DCC: variants seen among roughly 807,000 people sequenced by gnomAD.
DCC encodes the protein DCC netrin 1 receptor, also known as netrin receptor DCC.
Under a neutral mutation model 172.5 loss-of-function variants are expected in DCC, and 58 were observed. The observed-to-expected ratio is 0.34, with a 90% CI of 0.27 to 0.42. The LOEUF (loss-of-function observed/expected upper bound fraction) is 0.42, where lower values mean the gene tolerates loss of function less well. Among genes scored for constraint, DCC ranks in the 10% least tolerant of loss-of-function variants. The probability of loss-of-function intolerance (pLI) is 1.00; values close to 1 mark genes in which losing one functional copy is unlikely to be tolerated. For synonymous variants in DCC, 709 were observed against 644.5 expected (o/e 1.10, Z -1.52); for missense variants, 1,740 against 1,791.0 (o/e 0.97, Z 0.51).
At chr18:53,216,598 T>G (rs1289248814) in intron 12 of DCC, among the ~76,000 whole-genome samples, 1 of 152,162 alleles carries the variant, frequency 6.6e-6, no homozygotes, top group Non-Finnish European at 1.5e-5. Flanking sequence ...GACTTGATAG[T>G]GATTCCTTCA....
At chr18:53,084,850 C>G (rs2042856204) in intron 7 of DCC, among the ~76,000 whole-genome samples, 1 of 152,166 alleles carries the variant, frequency 6.6e-6, no homozygotes, top group African/African-American at 2.4e-5. Context: ...AAGATTCTTC[C>G]ACTAATTTTG....
intron 7 of DCC, among the ~76,000 whole-genome samples, chr18:53,093,463 CTGA>C (rs2043042324): frequency 2.0e-5 from 3 of 152,084 alleles, no homozygotes; most frequent in Admixed American, 1.3e-4. Context: ...GATCATAAGG[CTGA>C]TAAGTTTTCT....
intron 1 of DCC, among the ~76,000 whole-genome samples, chr18:52,655,818 G>C (rs890698663): frequency 5.3e-5 from 8 of 151,744 alleles, no homozygotes; most frequent in African/African-American, 1.9e-4. Flanking sequence ...ATTTCTTCAA[G>C]AGGTTACCAT....
At chr18:53,181,227 C>T (rs576214897) in intron 9 of DCC, among the ~76,000 whole-genome samples, 4 of 152,120 alleles carry the variant, frequency 2.6e-5, no homozygotes, top group South Asian at 4.1e-4. Context: ...CTAAAATTAT[C>T]GTAAAATTGT....
intron 5 of DCC, among the ~76,000 whole-genome samples, chr18:52,965,997 G>C (rs753439194): frequency 4.6e-5 from 7 of 152,098 alleles, no homozygotes; most frequent in Non-Finnish European, 8.8e-5. Flanking sequence ...GCTCTGTGGG[G>C]ACCCATAAAG....
intron 5 of DCC, among the ~76,000 whole-genome samples, chr18:52,958,666 A>G (rs2040787678): frequency 6.6e-6 from 1 of 152,142 alleles, no homozygotes; most frequent in Non-Finnish European, 1.5e-5. Context: ...CTTGGTGGCC[A>G]TAGGCATTTA....
intron 1 of DCC, among the ~76,000 whole-genome samples, chr18:52,365,410 G>C (rs1181780435): frequency 6.6e-6 from 1 of 152,126 alleles, no homozygotes; most frequent in African/African-American, 2.4e-5. Context: ...CTTATTAAAG[G>C]AATTAAAATT....
chr18:52,757,224 C>A (rs2037089821), intron 2 of DCC: 1 of 152,090 alleles, frequency 6.6e-6, no homozygotes, highest in Non-Finnish European at 1.5e-5. Context: ...ATTGAGTGAC[C>A]TTGCAATCAT....
chr18:53,527,941 A>ATAAAT (rs1230270124), intron 28 of DCC, among the ~76,000 whole-genome samples: 2 of 152,172 alleles, frequency 1.3e-5, no homozygotes, highest in African/African-American at 4.8e-5. Context: ...TTTTTTAAGC[A>ATAAAT]TAAATTATGA....
chr18:53,127,140 T>G (rs1244270648), intron 7 of DCC, among the ~76,000 whole-genome samples: 4 of 151,248 alleles, frequency 2.6e-5, no homozygotes, highest in African/African-American at 4.9e-5. Flanking sequence ...ATCGTTGTTT[T>G]TTTTTTTTTT....
intron 12 of DCC, among the ~76,000 whole-genome samples, chr18:53,224,729 G>A (rs1049796429): frequency 1.3e-5 from 2 of 152,148 alleles, no homozygotes; most frequent in African/African-American, 4.8e-5. Flanking sequence ...AGGATATAGA[G>A]TAGATTTTTG....
chr18:53,271,604 G>T (rs2056750308), intron 12 of DCC, among the ~76,000 whole-genome samples: 1 of 152,106 alleles, frequency 6.6e-6, no homozygotes, highest in Non-Finnish European at 1.5e-5. Context: ...CTCTCCATAG[G>T]GCAGGTCATA....
chr18:52,362,592 T>C (rs940380940), intron 1 of DCC, among the ~76,000 whole-genome samples: 1 of 152,174 alleles, frequency 6.6e-6, no homozygotes, highest in African/African-American at 2.4e-5. Context: ...TTTTTTCTCT[T>C]AGCTTCTAAA....
chr18:52,818,864 G>C lies in DCC; in HGVS notation c.412+66490G>C, dbSNP rs754327866. Among the ~76,000 whole-genome samples, 3 of 152,204 alleles carry C rather than the reference G, an allele frequency of 2.0e-5. No homozygotes were observed. The East Asian group carries it at 5.8e-4, about 29-fold the overall frequency. ...TTACCTCCATGACAGTGGCTAGTTAGAGAACAGATACAAAAAGTTAGAGAC... is the reference window on the plus strand; with the variant it reads ...TTACCTCCATGACAGTGGCTAGTTACAGAACAGATACAAAAAGTTAGAGAC... On this transcript the variant is annotated intron_variant, in intron 2 of 28. Coordinates refer to ENST00000442544, the MANE Select transcript of DCC (RefSeq NM_005215.4).
chr18:53,019,109 A>C (rs1250376336), intron 5 of DCC, among the ~76,000 whole-genome samples: 1 of 152,174 alleles, frequency 6.6e-6, no homozygotes, highest in African/African-American at 2.4e-5. Context: ...GTCTAGCACA[A>C]TTATTTTAAC....
intron 1 of DCC, among the ~76,000 whole-genome samples, chr18:52,389,530 T>C (rs1985946437): frequency 6.6e-6 from 1 of 152,088 alleles, no homozygotes; most frequent in Non-Finnish European, 1.5e-5. Context: ...AACCTGTCAA[T>C]AGTGATGAGA....
chr18:52,513,104 G>A (rs897856579), intron 1 of DCC, among the ~76,000 whole-genome samples: 2 of 152,160 alleles, frequency 1.3e-5, no homozygotes, highest in Admixed American at 6.5e-5. Context: ...CAAGATGGGG[G>A]CAGGAAAACC....
At chr18:52,762,645 A>G in intron 2 of DCC, among the ~76,000 whole-genome samples, 1 of 152,082 alleles carries the variant, frequency 6.6e-6, no homozygotes, top group Admixed American at 6.6e-5. Context: ...GCAACATAGC[A>G]AAGTCCCATC....
intron 7 of DCC, among the ~76,000 whole-genome samples, chr18:53,154,189 T>C (rs1737034623): frequency 6.6e-6 from 1 of 152,192 alleles, no homozygotes; most frequent in Admixed American, 6.5e-5. Flanking sequence ...AGGCATGTCC[T>C]GTACTGACTC....
Sources: allele counts gnomAD v4.1 joint callset (sites outside exome capture counted in the v4.1 genomes callset), GRCh38; gene constraint gnomAD v4.1.1; transcripts MANE v1.5; gene names NCBI Gene and HGNC (gene_info 2026-07-23, HGNC 2026-07-21).